Variants in FLT1 observed in about 807,000 individuals in gnomAD.
FLT1 encodes the protein vascular endothelial growth factor receptor 1.
A neutral mutation model predicts 156.3 loss-of-function variants in FLT1; 49 were observed. The ratio of observed to expected loss-of-function variants is 0.31; its 90% CI spans 0.25 to 0.40. The LOEUF (loss-of-function observed/expected upper bound fraction) is 0.40, where lower values mean the gene tolerates loss of function less well. Ranked by LOEUF, FLT1 falls within the 10% of genes least tolerant of loss-of-function variation. The pLI, the probability that FLT1 is intolerant of heterozygous loss-of-function variation, is 1.00. For missense variants in FLT1, 1,322 were observed against 1,637.2 expected (o/e 0.81, Z 3.32); for synonymous variants, 594 against 583.8 (o/e 1.02, Z -0.25).
intron 14 of FLT1, among the ~76,000 whole-genome samples, chr13:28,372,821 G>A (rs1274873707): frequency 1.3e-5 from 2 of 151,572 alleles, no homozygotes; most frequent in Non-Finnish European, 2.9e-5. Flanking sequence ...GGCGGAGCTT[G>A]CAGTGAGCAG....
chr13:28,388,032 GC>G, intron 13 of FLT1: 1 of 1,058,984 alleles, frequency 9.4e-7, no homozygotes, highest in South Asian at 4.6e-5. Context: ...CATTCTGTTT[GC>G]TTTTTTAATG....
At chr13:28,370,473 A>T (rs1873511291) in intron 14 of FLT1, among the ~76,000 whole-genome samples, 1 of 152,206 alleles carries the variant, frequency 6.6e-6, no homozygotes, top group Non-Finnish European at 1.5e-5. Flanking sequence ...TAATAAAAAA[A>T]TGGAGTTATG....
At chr13:28,423,404 CCA>C (rs1220146500) in intron 10 of FLT1, among the ~76,000 whole-genome samples, 2 of 152,190 alleles carry the variant, frequency 1.3e-5, no homozygotes, top group Non-Finnish European at 2.9e-5. Context: ...ACCCTCCACC[CCA>C]GACCTACTAA....
intron 11 of FLT1, among the ~76,000 whole-genome samples, chr13:28,404,069 A>T (rs568203010): frequency 6.6e-6 from 1 of 152,142 alleles, no homozygotes; most frequent in Admixed American, 6.5e-5. Context: ...AAAGAAAGAA[A>T]GAAAGAACAA....
At chr13:28,377,134 T>C (rs892393059) in intron 14 of FLT1, among the ~76,000 whole-genome samples, 3 of 152,198 alleles carry the variant, frequency 2.0e-5, no homozygotes, top group Non-Finnish European at 4.4e-5. Flanking sequence ...TCAGCTTGTC[T>C]ACTCTCTTTT....
chr13:28,385,313 T>G (rs1874294855), intron 13 of FLT1, among the ~76,000 whole-genome samples: 1 of 152,242 alleles, frequency 6.6e-6, no homozygotes, highest in Non-Finnish European at 1.5e-5. Context: ...TTCCTTCCTT[T>G]TTTTGAGAGG....
chr13:28,494,850 C>G lies in FLT1; in HGVS notation c.-7G>C, dbSNP rs1015393983. On this transcript the variant is annotated 5_prime_UTR_variant, in exon 1 of 30. Transcript: ENST00000282397. Reference sequence around the variant, plus strand: ...TGTCCCAGTAGCTGACCATGGTGAGCGCGACGCGGCCTGCTCGCCCGGTGC... The same window carrying G: ...TGTCCCAGTAGCTGACCATGGTGAGGGCGACGCGGCCTGCTCGCCCGGTGC... The G allele has an allele frequency of 6.5e-7, 1 of 1,548,458 alleles. No individual in the cohort carries two copies. Among genetic ancestry groups the G allele is most frequent in the South Asian group, 1.2e-5 (1 of 84,230 alleles).
At chr13:28,344,313 C>T (rs1872475541) in intron 16 of FLT1, among the ~76,000 whole-genome samples, 1 of 152,158 alleles carries the variant, frequency 6.6e-6, no homozygotes, top group Non-Finnish European at 1.5e-5. Context: ...GTTCCCCCTC[C>T]CCTGCCCAGC....
chr13:28,398,558 T>C (rs1207853340), intron 11 of FLT1, among the ~76,000 whole-genome samples: 1 of 152,222 alleles, frequency 6.6e-6, no homozygotes. Context: ...AGCAAATTCA[T>C]TGGTCCAAAT....
chr13:28,303,494 C>CCA, intron 29 of FLT1, 126 bp from the exon 30 acceptor site: 3 of 754,422 alleles, frequency 4.0e-6, no homozygotes, highest in Non-Finnish European at 4.3e-6. Flanking sequence ...GTTTTGGAAC[C>CCA]CCCCCCCCCT....
chr13:28,477,584 G>A (rs563777662), intron 1 of FLT1, among the ~76,000 whole-genome samples: 30 of 152,292 alleles, frequency 2.0e-4, no homozygotes, highest in African/African-American at 7.2e-4. Flanking sequence ...ACCTTCGTCT[G>A]GTTATGCAAA....
intron 29 of FLT1, 38 bp from the exon 30 acceptor site, chr13:28,303,406 T>G: frequency 3.8e-6 from 6 of 1,592,946 alleles, no homozygotes; most frequent in Non-Finnish European, 4.3e-6. Context: ...TATTCAAAAT[T>G]GGTTTTTTAG....
At chr13:28,307,400 G>A (rs117186619) in intron 28 of FLT1, among the ~76,000 whole-genome samples, 3,735 of 151,990 alleles carry the variant, frequency 0.025, 85 homozygotes, top group Middle Eastern at 0.044. Flanking sequence ...CCTTAATTAC[G>A]AGTAAACACC....
chr13:28,418,371 A>G (rs953698545), intron 10 of FLT1, among the ~76,000 whole-genome samples: 2 of 152,156 alleles, frequency 1.3e-5, no homozygotes, highest in African/African-American at 4.8e-5. Flanking sequence ...TCCTCTGCTC[A>G]ACTCTAACTC....
At chr13:28,414,439 GT>G (rs1361155971) in intron 10 of FLT1, among the ~76,000 whole-genome samples, 1 of 152,158 alleles carries the variant, frequency 6.6e-6, no homozygotes, top group Non-Finnish European at 1.5e-5. Context: ...TGTCTTACTA[GT>G]TTTATTACAG....
chr13:28,412,640 C>T (rs897994606), intron 10 of FLT1, among the ~76,000 whole-genome samples: 9 of 151,246 alleles, frequency 6.0e-5, no homozygotes, highest in African/African-American at 1.5e-4. Context: ...AGGCTGGTCT[C>T]GAACTCCTGA....
intron 10 of FLT1, among the ~76,000 whole-genome samples, chr13:28,420,719 A>G (rs1801676662): frequency 6.6e-6 from 1 of 152,228 alleles, no homozygotes; most frequent in Non-Finnish European, 1.5e-5. Flanking sequence ...TTGGCAGTCA[A>G]TTAAATTTGG....
intron 10 of FLT1, among the ~76,000 whole-genome samples, chr13:28,423,957 CT>C (rs989189188): frequency 2.0e-5 from 3 of 151,870 alleles, no homozygotes; most frequent in East Asian, 1.9e-4. Flanking sequence ...CTTTCTTTTT[CT>C]TTTTTTTCTG....
chr13:28,457,246 T>C (rs1161108890), intron 3 of FLT1, among the ~76,000 whole-genome samples: 1 of 151,778 alleles, frequency 6.6e-6, no homozygotes, highest in Non-Finnish European at 1.5e-5. Flanking sequence ...CTTCACAGGG[T>C]TGTTGTAAGG....
Sources: gnomAD v4.1 joint callset for allele counts (sites outside exome capture counted in the v4.1 genomes callset) on GRCh38, gnomAD v4.1.1 for gene constraint, MANE v1.5 for transcripts, NCBI Gene and HGNC (gene_info 2026-07-23, HGNC 2026-07-21) for gene names.